Variants in MICU3 observed in about 807,000 individuals in gnomAD.
MICU3 encodes mitochondrial calcium uptake 3.
In MICU3, 62 loss-of-function variants were observed where a neutral mutation model predicts 66.5. The observed-to-expected ratio is 0.93, with a 90% CI of 0.76 to 1.15. The LOEUF is 1.15. Among genes scored for constraint, MICU3 ranks in the 50% most tolerant of loss-of-function variants. The pLI is 0.00. For missense variants in MICU3, 779 were observed against 664.4 expected, an observed-to-expected ratio of 1.17 and a Z score of -1.90; for synonymous variants, 308 against 240.7, an observed-to-expected ratio of 1.28 and a Z score of -2.59.
intron 3 of MICU3, among the ~76,000 whole-genome samples, chr8:17,071,855 C>T (rs1819630966): frequency 6.6e-6 from 1 of 151,784 alleles, no homozygotes; most frequent in African/African-American, 2.4e-5. Context: ...AAAGCAATGC[C>T]TAACAGAAGA....
Position 17,064,096 on chromosome 8 carries a change from A to G in MICU3, c.394A>G (p.Arg132Gly), listed in dbSNP as rs142411600. 4.0e-4 allele frequency: 650 copies of G among 1,610,698 alleles called. 1 individual carries two copies. Among genetic ancestry groups the G allele is most frequent in the African/African-American group, 6.5e-4 (49 of 74,966 alleles). ...AAAKETVAIG[R>G]TDIEDLDLYA... ...TTCTTAACTTTAGGTTGCTATTGGC[A>G]GAACAGACATTGAAGACTTAGACCT... Residue 132 changes from arginine to glycine, a missense_variant, in exon 2 of 15, where the codon AGA (arginine) becomes GGA (glycine). Coordinates refer to ENST00000318063, the MANE Select transcript of MICU3 (RefSeq NM_181723.3).
At chr8:17,068,809 A>T (rs1450993305) in intron 2 of MICU3, among the ~76,000 whole-genome samples, 1 of 152,166 alleles carries the variant, frequency 6.6e-6, no homozygotes, top group Non-Finnish European at 1.5e-5. Flanking sequence ...AAATAGCCCC[A>T]TTGCCAGGTA....
At chr8:17,127,749 T>C in the MICU3 span, among the ~76,000 whole-genome samples, 3 of 152,192 alleles carry the variant, frequency 2.0e-5, no homozygotes, top group Admixed American at 1.3e-4. Flanking sequence ...GTGTTTTTGC[T>C]CCCAGATATG....
chr8:17,084,698 A>C (rs1379569591), intron 5 of MICU3, among the ~76,000 whole-genome samples: 1 of 152,116 alleles, frequency 6.6e-6, no homozygotes, highest in Non-Finnish European at 1.5e-5. Context: ...TTTTCAGAAA[A>C]GCAATTGTTC....
intron 3 of MICU3, among the ~76,000 whole-genome samples, chr8:17,073,619 C>T (rs771579524): frequency 3.3e-5 from 5 of 152,188 alleles, no homozygotes; most frequent in South Asian, 2.1e-4. Flanking sequence ...AACATTTCCT[C>T]TTCCTCCCTC....
chr8:17,061,294 G>A (rs1028758303), intron 1 of MICU3, among the ~76,000 whole-genome samples: 1 of 152,130 alleles, frequency 6.6e-6, no homozygotes, highest in Non-Finnish European at 1.5e-5. Flanking sequence ...GCAGTGGTCA[G>A]GTGGGTTTGG....
chr8:17,080,322 A>G (rs1178031741), intron 4 of MICU3, among the ~76,000 whole-genome samples: 1 of 152,074 alleles, frequency 6.6e-6, no homozygotes, highest in Admixed American at 6.6e-5. Context: ...GCCTACCATG[A>G]TATTCATGGT....
intron 3 of MICU3, among the ~76,000 whole-genome samples, chr8:17,071,907 A>G (rs1236515811): frequency 6.6e-6 from 1 of 152,190 alleles, no homozygotes; most frequent in Non-Finnish European, 1.5e-5. Context: ...AAATACAAGT[A>G]AATGGAGAAC....
intron 8 of MICU3, among the ~76,000 whole-genome samples, chr8:17,095,589 C>G (rs1031789515): frequency 1.3e-5 from 2 of 151,838 alleles, no homozygotes; most frequent in African/African-American, 4.8e-5. Flanking sequence ...CTGAATAGAA[C>G]CTTCTTAGAC....
intron 14 of MICU3, among the ~76,000 whole-genome samples, chr8:17,119,547 AG>A (rs1219477698): frequency 3.4e-5 from 5 of 147,210 alleles, no homozygotes; most frequent in African/African-American, 1.3e-4. Flanking sequence ...ATAGATAGAT[AG>A]ATAGATAGAT....
chr8:17,046,749 GA>G (rs1815157476), intron 1 of MICU3, among the ~76,000 whole-genome samples: 1 of 151,790 alleles, frequency 6.6e-6, no homozygotes, highest in African/African-American at 2.4e-5. Flanking sequence ...GATGGACAAG[GA>G]AAAAAATCTT....
intron 1 of MICU3, among the ~76,000 whole-genome samples, chr8:17,029,072 C>G (rs1016916224): frequency 9.2e-5 from 14 of 152,332 alleles, no homozygotes; most frequent in African/African-American, 3.4e-4. Flanking sequence ...CTGTCAATGC[C>G]TGTTTCCTCA....
intron 3 of MICU3, among the ~76,000 whole-genome samples, chr8:17,075,181 A>G (rs1262349326): frequency 1.3e-5 from 2 of 150,668 alleles, no homozygotes; most frequent in Non-Finnish European, 2.9e-5. Flanking sequence ...CTTTGAGAAC[A>G]TGGAGTTGGG....
rs1278225749 is a variant in MICU3 at position 17,090,405 on chromosome 8, C to T, written c.850-141C>T. 2.4e-5 allele frequency: 15 copies of T among 627,492 alleles called. No individual in the cohort carries two copies. The Admixed American group carries it at 3.6e-4, about 15-fold the overall frequency. 38.9% of individuals were successfully genotyped at this position (627,492 alleles called of 1,614,324 possible). On this transcript the variant is annotated intron_variant, in intron 7 of 14. Coordinates refer to ENST00000318063, the MANE Select transcript of MICU3 (RefSeq NM_181723.3). Reference sequence around the variant, plus strand: ...TAACATTTATCCCACTTGTATTGTTCGTGTGCTCTATATAAAATGTAGCAT... The same window carrying T: ...TAACATTTATCCCACTTGTATTGTTTGTGTGCTCTATATAAAATGTAGCAT...
chr8:17,108,488 T>C (rs1029635803), intron 11 of MICU3, among the ~76,000 whole-genome samples: 17 of 152,284 alleles, frequency 1.1e-4, no homozygotes, highest in South Asian at 8.3e-4. Context: ...GCAAACCATC[T>C]TCCCTGTTTC....
intron 1 of MICU3, among the ~76,000 whole-genome samples, chr8:17,040,824 A>C (rs1422377272): frequency 6.6e-6 from 1 of 152,186 alleles, no homozygotes; most frequent in East Asian, 1.9e-4. Flanking sequence ...TCTGTCTGAA[A>C]ATAATAAATG....
chr8:17,047,966 A>T (rs534495214), intron 1 of MICU3, among the ~76,000 whole-genome samples: 1 of 152,332 alleles, frequency 6.6e-6, no homozygotes, highest in South Asian at 2.1e-4. Context: ...AGTTACAATG[A>T]AGTGGATTTC....
chr8:17,137,705 CTTTTT>C, the MICU3 span, among the ~76,000 whole-genome samples: 1 of 102,884 alleles, frequency 9.7e-6, no homozygotes, highest in Admixed American at 1.1e-4. Flanking sequence ...TTTTCTTTTC[CTTTTT>C]TTTTTTTTTT....
chr8:17,046,804 C>A (rs1815169964), intron 1 of MICU3, among the ~76,000 whole-genome samples: 1 of 152,064 alleles, frequency 6.6e-6, no homozygotes, highest in African/African-American at 2.4e-5. Context: ...AAATTTCCTC[C>A]TGGGCTCAGA....
Sources: allele counts gnomAD v4.1 joint callset (sites outside exome capture counted in the v4.1 genomes callset), GRCh38; gene constraint gnomAD v4.1.1; transcripts MANE v1.5; gene names NCBI Gene and HGNC (gene_info 2026-07-23, HGNC 2026-07-21).